Variants in PCDHA1 observed in about 807,000 individuals in gnomAD.
PCDHA1 encodes protocadherin alpha 1.
PCDHA1 carries 42 observed loss-of-function variants against 61.3 expected under a neutral mutation model. The observed-to-expected ratio is 0.69, with a 90% confidence interval of 0.54 to 0.89. PCDHA1 has a LOEUF of 0.89. PCDHA1 is among the 40% of genes least tolerant of loss of function. The pLI, the probability that PCDHA1 is intolerant of heterozygous loss-of-function variation, is 0.00. For synonymous variants in PCDHA1, 610 were observed against 553.8 expected, an observed-to-expected ratio of 1.10 and a Z score of -1.43; for missense variants, 1,256 against 1,235.3, an observed-to-expected ratio of 1.02 and a Z score of -0.25.
At chr5:140,981,284 G>A (rs1554242765) in intron 2 of PCDHA1, among the ~76,000 whole-genome samples, 4 of 152,094 alleles carry the variant, frequency 2.6e-5, no homozygotes, top group Non-Finnish European at 5.9e-5. Context: ...GTTTAAAAGG[G>A]TCCTCTAGTC....
chr5:140,801,121 AT>A, intron 1 of PCDHA1: 1 of 1,516,972 alleles, frequency 6.6e-7, no homozygotes, highest in Non-Finnish European at 8.8e-7. Flanking sequence ...AGTTTAAGAA[AT>A]GAAGATAAGG....
chr5:140,857,626 G>A (rs536509917), intron 1 of PCDHA1: 1 of 1,596,672 alleles, frequency 6.3e-7, no homozygotes, highest in South Asian at 1.1e-5. Context: ...ACCACGAGGA[G>A]CTGGAGCTGC....
chr5:140,905,427 A>G lies in PCDHA1; in HGVS notation c.2395-73522A>G, dbSNP rs185931856. 5.3e-5 allele frequency among the ~76,000 whole-genome samples: 8 copies of G among 152,298 alleles called. No homozygotes were observed. The East Asian group carries it at 1.5e-3, about 29-fold the overall frequency. ...TTTATACCAGTACCATGCTGGTTTG[A>G]TAACTACAGCCTTTTAGTATAATTT... On this transcript the variant is annotated intron_variant, in intron 1 of 3. Transcript: ENST00000504120.
intron 1 of PCDHA1, chr5:140,851,060 C>T (rs2041943229): frequency 1.5e-6 from 2 of 1,374,418 alleles, no homozygotes; most frequent in Admixed American, 2.8e-5. Flanking sequence ...GTCTTGACTT[C>T]TAGTGAGAAT....
intron 1 of PCDHA1, among the ~76,000 whole-genome samples, chr5:140,915,602 C>T (rs1298727977): frequency 6.6e-6 from 1 of 151,066 alleles, no homozygotes; most frequent in Non-Finnish European, 1.5e-5. Context: ...TTTTCCCTTA[C>T]TTTCTGTCAA....
intron 1 of PCDHA1, among the ~76,000 whole-genome samples, chr5:140,819,544 C>A (rs1389575775): frequency 6.6e-6 from 1 of 152,036 alleles, no homozygotes; most frequent in Admixed American, 6.5e-5. Flanking sequence ...TAATCTGTAA[C>A]ATTTGATTGA....
chr5:140,992,235 G>A (rs1272038759), intron 3 of PCDHA1, among the ~76,000 whole-genome samples: 7 of 152,154 alleles, frequency 4.6e-5, no homozygotes, highest in African/African-American at 1.7e-4. Flanking sequence ...GGAAGAGTAA[G>A]GAAGGAAGTA....
intron 3 of PCDHA1, among the ~76,000 whole-genome samples, chr5:140,999,980 C>A (rs1386394350): frequency 6.6e-6 from 1 of 152,076 alleles, no homozygotes; most frequent in Non-Finnish European, 1.5e-5. Context: ...GCTCTAGCGG[C>A]CTCTGGGTAG....
chr5:140,828,238 G>T (rs782682272), intron 1 of PCDHA1: 6 of 1,613,818 alleles, frequency 3.7e-6, no homozygotes, highest in African/African-American at 2.7e-5. Flanking sequence ...GCCGGATCGC[G>T]CAGGACCTGG....
chr5:140,932,703 G>A (rs1218359293), intron 1 of PCDHA1, among the ~76,000 whole-genome samples: 2 of 151,660 alleles, frequency 1.3e-5, no homozygotes, highest in Non-Finnish European at 3.0e-5. Flanking sequence ...AACTCATATA[G>A]ACAACACAAT....
rs781892034 is a variant in PCDHA1, at chr5:140,968,314, G to A, written c.2395-10635G>A. ...TTCTGGAGAGGGAGATTCAAGGGCT[G>A]CCAGTCACCTCCTATGTCTCCATTA... On this transcript the variant is annotated intron_variant, in intron 1 of 3. Transcript: ENST00000504120. The A allele has an allele frequency of 2.5e-6, 4 of 1,613,960 alleles. No individual in the cohort carries two copies. The South Asian group carries it at 4.4e-5, about 18-fold the overall frequency.
At chr5:140,803,138 A>G (rs782201569) in intron 1 of PCDHA1, 7 of 1,613,718 alleles carry the variant, frequency 4.3e-6, no homozygotes, top group East Asian at 2.2e-5. Flanking sequence ...GCCATCGCCT[A>G]CTGGTGCTGG....
chr5:140,843,637 C>T (rs1289295729), intron 1 of PCDHA1: 2 of 1,595,812 alleles, frequency 1.3e-6, no homozygotes, highest in East Asian at 2.2e-5. Flanking sequence ...TCATGGCCTT[C>T]AGCCCCTGCC....
intron 1 of PCDHA1, chr5:140,928,661 G>A (rs1554206119): frequency 6.2e-7 from 1 of 1,614,218 alleles, no homozygotes; most frequent in Non-Finnish European, 8.5e-7. Flanking sequence ...GATGCTGACA[G>A]TGGTTCTAAT....
At chr5:140,941,214 C>CTTCCTTTCTTTCTTT (rs1554214039) in intron 1 of PCDHA1, among the ~76,000 whole-genome samples, 1 of 122,414 alleles carries the variant, frequency 8.2e-6, no homozygotes, top group Non-Finnish European at 1.7e-5. Context: ...TTTCTTTCTT[C>CTTCCTTTCTTTCTTT]CTTTCTTTCT....
chr5:140,812,645 A>G (rs1765150746), intron 1 of PCDHA1: 1 of 152,074 alleles, frequency 6.6e-6, no homozygotes, highest in Non-Finnish European at 1.5e-5. Context: ...CATGTTTAAG[A>G]GACAAGATCT....
chr5:140,882,475 AAGAC>A (rs2059154037), intron 1 of PCDHA1: 1 of 1,613,902 alleles, frequency 6.2e-7, no homozygotes, highest in Non-Finnish European at 8.5e-7. Flanking sequence ...TGGCGTCCAA[AAGAC>A]ACGGGGACCT....
At chr5:140,829,564 C>T (rs2150170116) in intron 1 of PCDHA1, 39 of 1,612,548 alleles carry the variant, frequency 2.4e-5, no homozygotes, top group Non-Finnish European at 8.5e-6. Context: ...CGCTGGTGTC[C>T]TACTCGCTGG....
rs368374216 is a variant in PCDHA1, at chr5:140,802,402, A to G, written c.2394+13718A>G. 27 of 1,614,118 alleles carry G rather than the reference A, an allele frequency of 1.7e-5. No individual in the cohort carries two copies. The Admixed American group carries it at 1.8e-4, about 11-fold the overall frequency. ...CCCTTCAAGCTGGTGTCCACCTTCA[A>G]GAATTACTACTCATTGGTGCTGGAC... On this transcript the variant is annotated intron_variant, in intron 1 of 3. Transcript: ENST00000504120.
Sources: allele counts gnomAD v4.1 joint callset (sites outside exome capture counted in the v4.1 genomes callset), GRCh38; gene constraint gnomAD v4.1.1; transcripts MANE v1.5; gene names NCBI Gene and HGNC (gene_info 2026-07-23, HGNC 2026-07-21).